AGBL1: variants seen among roughly 807,000 people sequenced by gnomAD.
AGBL1 encodes the protein cytosolic carboxypeptidase 4.
Under a neutral mutation model 118.9 loss-of-function variants are expected in AGBL1, and 130 were observed. The ratio of observed to expected loss-of-function variants is 1.09; its 90% CI spans 0.95 to 1.26. The LOEUF (loss-of-function observed/expected upper bound fraction) is 1.26, where lower values mean the gene tolerates loss of function less well. Ranked by LOEUF, AGBL1 falls within the 50% of genes most tolerant of loss-of-function variation. The pLI, the probability that AGBL1 is intolerant of heterozygous loss-of-function variation, is 0.00. For missense variants in AGBL1, 1,584 were observed against 1,298.1 expected (o/e 1.22, Z -3.38); for synonymous variants, 555 against 478.9 (o/e 1.16, Z -2.08).
intron 15 of AGBL1, among the ~76,000 whole-genome samples, chr15:86,272,481 A>C (rs1201125488): frequency 2.6e-5 from 4 of 152,192 alleles, no homozygotes; most frequent in Admixed American, 2.0e-4. Context: ...TACTTTCTTA[A>C]ATAAAGTAAG....
rs1286531027 is a variant in AGBL1 at position 86,307,548 on chromosome 15, G to T, written c.2374+12140G>T. 2.0e-5 allele frequency among the ~76,000 whole-genome samples: 3 copies of T among 152,000 alleles called. No homozygotes were observed. The East Asian group carries it at 5.8e-4, about 29-fold the overall frequency. The stretch of plus-strand genomic sequence containing the variant: ...ACAGATGATGGAAGTAAGACCTAGG[G>T]AATAAAAGTGATGTGCCTGGTTGCA... On this transcript the variant is annotated intron_variant, in intron 17 of 22. Coordinates refer to ENST00000614907, the MANE Select transcript of AGBL1 (RefSeq NM_001386094.1).
intron 17 of AGBL1, among the ~76,000 whole-genome samples, chr15:86,379,666 G>C (rs959626249): frequency 4.6e-5 from 7 of 152,174 alleles, no homozygotes; most frequent in Admixed American, 4.6e-4. Flanking sequence ...AGTTTTGTAA[G>C]TAAAGCTGTG....
chr15:86,927,935 C>CATAT (rs56307079), intron 23 of AGBL1, among the ~76,000 whole-genome samples: 94,459 of 150,496 alleles, frequency 0.63, 30,386 homozygotes, highest in South Asian at 0.83. Context: ...TTTATATATG[C>CATAT]ATATATATAT....
Position 86,849,191 on chromosome 15 carries a change from A to G in AGBL1, c.3159-57896A>G, listed in dbSNP as rs116690765. Among the ~76,000 whole-genome samples, 945 of 152,334 alleles carry G rather than the reference A, an allele frequency of 6.2e-3. 12 individuals are homozygous for G. Among genetic ancestry groups the G allele is most frequent in the African/African-American group, 0.021 (887 of 41,578 alleles). On this transcript the variant is annotated intron_variant, in intron 22 of 22. Transcript: ENST00000614907. Reference sequence around the variant, plus strand: ...GAAAAGATTGGTGCTGTAAACTTCTAAATGATTCCAATCTACAGCACATTT... The same window carrying G: ...GAAAAGATTGGTGCTGTAAACTTCTGAATGATTCCAATCTACAGCACATTT...
intron 24 of AGBL1, among the ~76,000 whole-genome samples, chr15:87,010,069 C>T (rs565263523): frequency 6.3e-4 from 96 of 152,158 alleles, no homozygotes; most frequent in African/African-American, 2.1e-3. Flanking sequence ...AATGTGAGGA[C>T]ATGAGATTTG....
Position 86,553,140 on chromosome 15 carries a change from G to C in AGBL1, c.2818-1221G>C, listed in dbSNP as rs547318367. Reference sequence around the variant, plus strand: ...CCTGTAATTTGTCTAAAAGCCTAAGGCTTCACTATTGTCTAATGTATGTAA... The same window carrying C: ...CCTGTAATTTGTCTAAAAGCCTAAGCCTTCACTATTGTCTAATGTATGTAA... On this transcript the variant is annotated intron_variant, in intron 20 of 22. Coordinates refer to ENST00000614907, the MANE Select transcript of AGBL1 (RefSeq NM_001386094.1). Among the ~76,000 whole-genome samples the C allele has an allele frequency of 5.3e-5, 8 of 152,166 alleles. No homozygotes were observed. The East Asian group carries it at 9.7e-4, about 18-fold the overall frequency.
intron 18 of AGBL1, among the ~76,000 whole-genome samples, chr15:86,451,164 A>C (rs1004638139): frequency 6.6e-6 from 1 of 152,068 alleles, no homozygotes; most frequent in Non-Finnish European, 1.5e-5. Flanking sequence ...AACTGGTTAG[A>C]CACTTTCTTT....
At chr15:86,764,791 C>T (rs187594966) in intron 22 of AGBL1, among the ~76,000 whole-genome samples, 7 of 152,066 alleles carry the variant, frequency 4.6e-5, no homozygotes, top group East Asian at 1.9e-4. Context: ...ACATCTTGGG[C>T]GTGAACATTA....
intron 22 of AGBL1, among the ~76,000 whole-genome samples, chr15:86,854,884 C>T (rs868358323): frequency 6.6e-6 from 1 of 152,112 alleles, no homozygotes; most frequent in African/African-American, 2.4e-5. Context: ...AGTTGCAATT[C>T]GTTCCCCTCA....
intron 22 of AGBL1, among the ~76,000 whole-genome samples, chr15:86,705,089 C>T (rs2086424480): frequency 6.6e-6 from 1 of 152,002 alleles, no homozygotes; most frequent in African/African-American, 2.4e-5. Flanking sequence ...ACAAAGAGAA[C>T]ACATGGACAC....
In AGBL1 at chr15:86,736,130, T is replaced by C. The variant is rs148387213; in HGVS notation, c.3158+61694T>C. 9.9e-3 allele frequency among the ~76,000 whole-genome samples: 1,500 copies of C among 152,148 alleles called. 14 individuals are homozygous for C. Among genetic ancestry groups the C allele is most frequent in the South Asian group, 0.049 (236 of 4,810 alleles). ...AGGCATGGTGACTCTCGCCTATAATTCCAGCACTTTGAGAGGCCGAGGTGG... is the reference window on the plus strand; with the variant it reads ...AGGCATGGTGACTCTCGCCTATAATCCCAGCACTTTGAGAGGCCGAGGTGG... On this transcript the variant is annotated intron_variant, in intron 22 of 22. Transcript: ENST00000614907.
chr15:86,520,403 A>G (rs1451390550), intron 18 of AGBL1, among the ~76,000 whole-genome samples: 5 of 152,214 alleles, frequency 3.3e-5, no homozygotes, highest in Admixed American at 2.0e-4. Flanking sequence ...CTCAAATCCT[A>G]TATCTGGTAG....
At chr15:86,741,911 T>C (rs1298434409) in intron 22 of AGBL1, among the ~76,000 whole-genome samples, 1 of 152,122 alleles carries the variant, frequency 6.6e-6, no homozygotes. Context: ...TTTATAAATG[T>C]TAATTTCAGT....
chr15:86,156,206 C>T (rs139818227), intron 4 of AGBL1, among the ~76,000 whole-genome samples: 13 of 152,280 alleles, frequency 8.5e-5, no homozygotes, highest in Admixed American at 6.5e-5. Context: ...CAGGCGTGAG[C>T]CACCATGCCC....
chr15:86,120,591 C>T (rs898917764), intron 1 of AGBL1, among the ~76,000 whole-genome samples: 1 of 152,176 alleles, frequency 6.6e-6, no homozygotes, highest in Non-Finnish European at 1.5e-5. Flanking sequence ...CAACAGCCTG[C>T]GCTTTTCTGT....
chr15:86,768,028 A>G (rs573065565), intron 22 of AGBL1, among the ~76,000 whole-genome samples: 2 of 152,090 alleles, frequency 1.3e-5, no homozygotes, highest in South Asian at 4.1e-4. Context: ...TTTCATTTAT[A>G]CAGAAAGAAC....
chr15:86,877,036 C>T lies in AGBL1; in HGVS notation c.3159-30051C>T, dbSNP rs138013162. ...AAAAAGCATTCAGAGATCAATTCTGCCCACTCATCTCACTCACTGCACTTA... is the reference window on the plus strand; with the variant it reads ...AAAAAGCATTCAGAGATCAATTCTGTCCACTCATCTCACTCACTGCACTTA... On this transcript the variant is annotated intron_variant, in intron 22 of 22. Coordinates refer to ENST00000614907, the MANE Select transcript of AGBL1 (RefSeq NM_001386094.1). Among the ~76,000 whole-genome samples the T allele has an allele frequency of 6.4e-3, 972 of 152,266 alleles. 7 individuals carry two copies. Among genetic ancestry groups the T allele is most frequent in the Middle Eastern group, 0.017 (5 of 294 alleles).
At position 86,410,370 on chromosome 15, in the gene AGBL1, A is replaced by G. The variant is rs546804009; in HGVS notation, c.2555+12824A>G. ...GGCTTTTACTTTGTTTTCATCAGTGATGATTGTGGTGGTGATGTAGTATAA... is the reference window on the plus strand; with the variant it reads ...GGCTTTTACTTTGTTTTCATCAGTGGTGATTGTGGTGGTGATGTAGTATAA... On this transcript the variant is annotated intron_variant, in intron 18 of 22. Coordinates refer to ENST00000614907, the MANE Select transcript of AGBL1 (RefSeq NM_001386094.1). Among the ~76,000 whole-genome samples, 8 of 152,164 alleles carry G rather than the reference A, an allele frequency of 5.3e-5. No individual in the cohort carries two copies. In the South Asian group the frequency reaches 1.0e-3, roughly 20 times the overall value.
intron 16 of AGBL1, among the ~76,000 whole-genome samples, chr15:86,284,483 C>T (rs1433383553): frequency 6.6e-6 from 1 of 152,130 alleles, no homozygotes; most frequent in Non-Finnish European, 1.5e-5. Flanking sequence ...GGAAGCTCAT[C>T]AGAACATGCC....
Sources: allele counts gnomAD v4.1 joint callset (sites outside exome capture counted in the v4.1 genomes callset), GRCh38; gene constraint gnomAD v4.1.1; transcripts MANE v1.5; gene names NCBI Gene and HGNC (gene_info 2026-07-23, HGNC 2026-07-21).